The following DSCAM variants were observed in gnomAD, a reference collection of about 807,000 sequenced individuals.
DSCAM encodes DS cell adhesion molecule, also known as cell adhesion molecule DSCAM.
Under a neutral mutation model 217.7 loss-of-function variants are expected in DSCAM, and 47 were observed. The observed-to-expected ratio is 0.22, with a 90% CI of 0.17 to 0.28. The LOEUF is 0.28. DSCAM is among the 10% of genes least tolerant of loss of function. The pLI, the probability that DSCAM is intolerant of heterozygous loss-of-function variation, is 1.00. For missense variants in DSCAM, 2,080 were observed against 2,618.3 expected, an observed-to-expected ratio of 0.79 and a Z score of 4.49; for synonymous variants, 1,056 against 1,015.3, an observed-to-expected ratio of 1.04 and a Z score of -0.76.
chr21:40,241,733 T>C (rs775798443), intron 11 of DSCAM, among the ~76,000 whole-genome samples: 1 of 152,160 alleles, frequency 6.6e-6, no homozygotes, highest in African/African-American at 2.4e-5. Flanking sequence ...ATAGAAAAGA[T>C]GTGGAATCCA....
intron 3 of DSCAM, among the ~76,000 whole-genome samples, chr21:40,427,324 G>C (rs771564749): frequency 6.6e-6 from 1 of 152,124 alleles, no homozygotes; most frequent in South Asian, 2.1e-4. Flanking sequence ...CATGGCCCTC[G>C]GCATGAACCC....
At chr21:40,366,024 T>C (rs1378585149) in intron 4 of DSCAM, among the ~76,000 whole-genome samples, 4 of 152,190 alleles carry the variant, frequency 2.6e-5, no homozygotes, top group Non-Finnish European at 5.9e-5. Flanking sequence ...GTTTATATTC[T>C]CCCTTAGAAG....
chr21:40,591,146 T>C (rs753034327), intron 3 of DSCAM, among the ~76,000 whole-genome samples: 2 of 152,328 alleles, frequency 1.3e-5, no homozygotes, highest in Non-Finnish European at 1.5e-5. Flanking sequence ...TTCAATCTCC[T>C]TCCTGCCACC....
At chr21:40,616,758 C>T (rs2089399995) in intron 3 of DSCAM, among the ~76,000 whole-genome samples, 1 of 152,184 alleles carries the variant, frequency 6.6e-6, no homozygotes, top group African/African-American at 2.4e-5. Context: ...TGGCTCACGC[C>T]TGTAATCCCA....
At chr21:40,073,897 T>A (rs2089328818) in intron 27 of DSCAM, among the ~76,000 whole-genome samples, 1 of 152,200 alleles carries the variant, frequency 6.6e-6, no homozygotes, top group African/African-American at 2.4e-5. Flanking sequence ...CCTGAATTAT[T>A]GGGCTGCAGG....
chr21:40,137,657 G>A (rs1290701811), intron 18 of DSCAM, among the ~76,000 whole-genome samples: 1 of 149,810 alleles, frequency 6.7e-6, no homozygotes. Flanking sequence ...TAACTGAAGT[G>A]TATTGTTCAG....
chr21:40,294,473 T>C (rs2073931176), intron 10 of DSCAM, among the ~76,000 whole-genome samples: 1 of 152,240 alleles, frequency 6.6e-6, no homozygotes, highest in African/African-American at 2.4e-5. Context: ...CCCATACTGT[T>C]GGTGGCCTAA....
chr21:40,025,848 G>C (rs1465542362), intron 32 of DSCAM, among the ~76,000 whole-genome samples: 4 of 150,434 alleles, frequency 2.7e-5, no homozygotes, highest in South Asian at 4.2e-4. Context: ...ATTTTTTGAA[G>C]GGTTTTTTGT....
intron 3 of DSCAM, among the ~76,000 whole-genome samples, chr21:40,525,812 A>G (rs553918638): frequency 6.6e-6 from 1 of 152,336 alleles, no homozygotes; most frequent in South Asian, 2.1e-4. Flanking sequence ...CTCAGCCAAG[A>G]GGGCTCCTAC....
intron 3 of DSCAM, among the ~76,000 whole-genome samples, chr21:40,482,116 T>G (rs894537756): frequency 2.0e-5 from 3 of 152,226 alleles, no homozygotes; most frequent in Non-Finnish European, 4.4e-5. Context: ...TATTTGTACA[T>G]GAAAATGGCT....
intron 15 of DSCAM, among the ~76,000 whole-genome samples, chr21:40,176,672 C>G (rs2090735795): frequency 6.6e-6 from 1 of 152,228 alleles, no homozygotes; most frequent in Non-Finnish European, 1.5e-5. Context: ...AGAACCTGCT[C>G]CTTTCCTTCC....
At position 40,382,807 on chromosome 21, in the gene DSCAM, A is replaced by C. The variant is rs192591940; in HGVS notation, c.509-13562T>G. On this transcript the variant is annotated intron_variant, in intron 3 of 32. Transcript: ENST00000400454. ...GACTTCCCCAGATCTAGCTTATCAC[A>C]AACTCCATTGCCTTGCAATAACCTT... 2.6e-3 allele frequency among the ~76,000 whole-genome samples: 402 copies of C among 152,324 alleles called. 4 individuals carry two copies. Among genetic ancestry groups the C allele is most frequent in the African/African-American group, 9.0e-3 (375 of 41,584 alleles).
At chr21:40,113,293 C>T (rs924079734) in intron 20 of DSCAM, among the ~76,000 whole-genome samples, 1 of 152,116 alleles carries the variant, frequency 6.6e-6, no homozygotes, top group African/African-American at 2.4e-5. Context: ...AGCATATAAA[C>T]AGAACCAAAG....
At chr21:40,307,526 G>A (rs375728264) in intron 9 of DSCAM, among the ~76,000 whole-genome samples, 4 of 152,128 alleles carry the variant, frequency 2.6e-5, no homozygotes, top group Admixed American at 6.5e-5. Context: ...TCAGTGTGGC[G>A]ATTCCTCAGG....
At position 40,266,799 on chromosome 21, in the gene DSCAM, T is replaced by TAC. The variant is rs1555896636; in HGVS notation, c.2356+9296_2356+9297dup. On this transcript the variant is annotated intron_variant, in intron 11 of 32. Coordinates refer to ENST00000400454, the MANE Select transcript of DSCAM (RefSeq NM_001389.5). ...ATGCATATATATATATATATATATA[T>TAC]ACACACACACACACCCCCACACACA... is the stretch of plus-strand genomic sequence containing the variant. 2.9e-3 allele frequency among the ~76,000 whole-genome samples: 376 copies of TAC among 129,510 alleles called. 1 individual carries two copies. Among genetic ancestry groups the TAC allele is most frequent in the African/African-American group, 6.7e-3 (198 of 29,426 alleles). The allele number at this position is 129,510 out of a possible 152,430, so 85.0% of individuals were successfully genotyped here.
Position 40,168,487 on chromosome 21 carries a change from C to T in DSCAM, c.2948-1199G>A, listed in dbSNP as rs910006458. Among the ~76,000 whole-genome samples, 8 of 152,062 alleles carry T rather than the reference C, an allele frequency of 5.3e-5. No individual in the cohort carries two copies. The East Asian group carries it at 5.8e-4, about 11-fold the overall frequency. On this transcript the variant is annotated intron_variant, in intron 15 of 32. Coordinates refer to ENST00000400454, the MANE Select transcript of DSCAM (RefSeq NM_001389.5). ...TCTTCTGAGAAGCAGAAGCAAATGACGACACAGAGATCAGAGGGAAAGAAT... is the reference window on the plus strand; with the variant it reads ...TCTTCTGAGAAGCAGAAGCAAATGATGACACAGAGATCAGAGGGAAAGAAT...
Position 40,637,122 on chromosome 21 carries a change from T to TATAA in DSCAM, c.508+55687_508+55688insTTAT, listed in dbSNP as rs1272263729. On this transcript the variant is annotated intron_variant, in intron 3 of 32. Transcript: ENST00000400454. The stretch of plus-strand genomic sequence containing the variant: ...CCCTTCTCATTCATATATATATATA[T>TATAA]ATATATAAATATATAAATATATATA... 9.6e-4 allele frequency among the ~76,000 whole-genome samples: 48 copies of TATAA among 50,218 alleles called. 16 individuals are homozygous for TATAA. The highest frequency in any genetic ancestry group is 3.6e-3 in the East Asian group (7 of 1,960). 32.9% of individuals were successfully genotyped at this position (50,218 alleles called of 152,430 possible). A position where few individuals can be genotyped will look rare whatever the true frequency, so the allele number is the denominator to read the frequency against.
At chr21:40,517,142 A>G (rs144729058) in intron 3 of DSCAM, among the ~76,000 whole-genome samples, 5,850 of 148,536 alleles carry the variant, frequency 0.039, 169 homozygotes, top group Non-Finnish European at 0.062. Flanking sequence ...TATACCTTAT[A>G]TATTTACATA....
intron 32 of DSCAM, among the ~76,000 whole-genome samples, chr21:40,037,735 C>G (rs1601254281): frequency 1.4e-5 from 2 of 146,236 alleles, no homozygotes; most frequent in East Asian, 2.0e-4. Flanking sequence ...AAGAAAAAAG[C>G]TGGAGGCATC....
Sources: gnomAD v4.1 joint callset for allele counts (sites outside exome capture counted in the v4.1 genomes callset) on GRCh38, gnomAD v4.1.1 for gene constraint, MANE v1.5 for transcripts, NCBI Gene and HGNC (gene_info 2026-07-23, HGNC 2026-07-21) for gene names.